Variants in HDAC1 observed in about 807,000 individuals in gnomAD.
HDAC1 encodes the protein protein deacetylase HDAC1.
In HDAC1, 18 loss-of-function variants were observed where a neutral mutation model predicts 65.5. That is an observed-to-expected ratio of 0.27 (90% CI 0.19 to 0.41). The LOEUF (loss-of-function observed/expected upper bound fraction) is 0.41, where lower values mean the gene tolerates loss of function less well. Among genes scored for constraint, HDAC1 ranks in the 10% least tolerant of loss-of-function variants. The pLI is 1.00. For missense variants in HDAC1, 373 were observed against 625.2 expected, an observed-to-expected ratio of 0.60 and a Z score of 4.30; for synonymous variants, 211 against 227.9, an observed-to-expected ratio of 0.93 and a Z score of 0.67.
chr1:32,332,813 A>C (rs959224890), intron 13 of HDAC1, 64 bp downstream of exon 13: 1 of 1,415,236 alleles, frequency 7.1e-7, no homozygotes, highest in African/African-American at 1.4e-5. Context: ...TTGTCCCACC[A>C]CTCTGAGGAA....
At chr1:32,305,436 A>G (rs1474883330) in intron 2 of HDAC1, among the ~76,000 whole-genome samples, 3 of 152,200 alleles carry the variant, frequency 2.0e-5, no homozygotes, top group Non-Finnish European at 2.9e-5. Context: ...ATTGCCAGCT[A>G]TGTAGGAGAA....
At chr1:32,322,227 ACCT>A (rs1641157665) in intron 3 of HDAC1, among the ~76,000 whole-genome samples, 1 of 149,078 alleles carries the variant, frequency 6.7e-6, no homozygotes, top group South Asian at 2.1e-4. Flanking sequence ...GCAGCCCCAC[ACCT>A]CCTGCCTCTG....
At chr1:32,332,568 A>G in intron 12 of HDAC1, 133 bp from the exon 13 acceptor site, 1 of 706,520 alleles carries the variant, frequency 1.4e-6, no homozygotes, top group East Asian at 2.7e-5. Context: ...CACTGGGAGG[A>G]CCAGGGATGG....
At chr1:32,332,359 T>C (rs1641305019) in intron 12 of HDAC1, 117 bp downstream of exon 12, 3 of 963,488 alleles carry the variant, frequency 3.1e-6, no homozygotes, top group Non-Finnish European at 1.6e-6. Context: ...TCTTCCTCAG[T>C]TCCTTGAGCC....
chr1:32,304,988 A>G (rs1640893666), intron 2 of HDAC1, among the ~76,000 whole-genome samples: 1 of 152,216 alleles, frequency 6.6e-6, no homozygotes, highest in African/African-American at 2.4e-5. Context: ...CTGAGATTAT[A>G]AGCATCAGCC....
chr1:32,299,239 A>G (rs1640813276), intron 1 of HDAC1, among the ~76,000 whole-genome samples: 1 of 152,098 alleles, frequency 6.6e-6, no homozygotes, highest in Non-Finnish European at 1.5e-5. Context: ...CAATGTGTAT[A>G]GGAATACACA....
intron 4 of HDAC1, among the ~76,000 whole-genome samples, chr1:32,325,811 A>C (rs1641209001): frequency 6.6e-6 from 1 of 152,188 alleles, no homozygotes; most frequent in Non-Finnish European, 1.5e-5. Flanking sequence ...GGATCACCTG[A>C]GGTCAGGAGT....
At chr1:32,309,641 C>T (rs370929637) in intron 2 of HDAC1, among the ~76,000 whole-genome samples, 2 of 141,228 alleles carry the variant, frequency 1.4e-5, no homozygotes, top group African/African-American at 2.7e-5. Flanking sequence ...GAGCTGAGGT[C>T]GTGCCACTGT....
chr1:32,332,008 A>T, intron 11 of HDAC1, 82 bp from the exon 12 acceptor site: 1 of 1,455,154 alleles, frequency 6.9e-7, no homozygotes, highest in Non-Finnish European at 9.1e-7. Context: ...CTTGGAGGAC[A>T]CGCAGGGAAG....
intron 13 of HDAC1, 129 bp downstream of exon 13, chr1:32,332,878 T>G: frequency 8.6e-7 from 1 of 1,165,042 alleles, no homozygotes; most frequent in African/African-American, 1.5e-5. Context: ...GACCAGTCTG[T>G]CCAGCTCTGC....
chr1:32,328,231 T>G (rs999871153), intron 6 of HDAC1, among the ~76,000 whole-genome samples: 8 of 152,236 alleles, frequency 5.3e-5, no homozygotes, highest in Non-Finnish European at 1.0e-4. Flanking sequence ...ATCAGCTGCT[T>G]TGCCATGCCT....
intron 4 of HDAC1, 60 bp downstream of exon 4, chr1:32,324,613 T>G: frequency 9.2e-7 from 1 of 1,089,892 alleles, no homozygotes; most frequent in Non-Finnish European, 1.4e-6. Context: ...AGGTCTGCCT[T>G]TTAGGCTGCT....
At position 32,327,172 on chromosome 1, in the gene HDAC1, T is replaced by C; in HGVS notation, c.494+95T>C. Reference sequence around the variant, plus strand: ...GCTTGCCTCCCTAGTTTGCTTTTCCTACCGATGTGCTGGCTAGGATGTGCT... The same window carrying C: ...GCTTGCCTCCCTAGTTTGCTTTTCCCACCGATGTGCTGGCTAGGATGTGCT... On this transcript the variant is annotated intron_variant, in intron 5 of 13. Transcript: ENST00000373548. This position sits in a 1 kb window ranked among gnomAD's most constrained non-coding sequence, Gnocchi z 6.0. The C allele has an allele frequency of 7.8e-7, 1 of 1,285,940 alleles. No individual in the cohort carries two copies. Among genetic ancestry groups the C allele is most frequent in the Non-Finnish European group, 1.1e-6 (1 of 904,398 alleles). The allele number at this position is 1,285,940 out of a possible 1,614,324, so 79.7% of individuals were successfully genotyped here. A position where few individuals can be genotyped will look rare whatever the true frequency, so the allele number is the denominator to read the frequency against.
In HDAC1 at chr1:32,331,006, T is replaced by A; in HGVS notation, c.979+98T>A. The A allele has an allele frequency of 9.3e-7, 1 of 1,071,362 alleles. No homozygotes were observed. Among genetic ancestry groups the A allele is most frequent in the Admixed American group, 2.0e-5 (1 of 50,462 alleles). 66.4% of individuals were successfully genotyped at this position (1,071,362 alleles called of 1,614,324 possible). On this transcript the variant is annotated intron_variant, in intron 9 of 13. Transcript: ENST00000373548. This position sits in a 1 kb window ranked among gnomAD's most constrained non-coding sequence, Gnocchi z 4.2. ...CCTTCCCCGTTGGTCATATGACCGC[T>A]CCTCTTCTGATACTAGTCACTGAGT... is the stretch of plus-strand genomic sequence containing the variant.
At chr1:32,322,753 A>T (rs1302507730) in intron 3 of HDAC1, among the ~76,000 whole-genome samples, 1 of 152,064 alleles carries the variant, frequency 6.6e-6, no homozygotes, top group Non-Finnish European at 1.5e-5. Flanking sequence ...ACTTTACTCC[A>T]CTTGTCACTG....
In HDAC1 at chr1:32,292,118, C is replaced by T; in HGVS notation, c.-52C>T. The T allele has an allele frequency of 3.3e-6, 5 of 1,533,236 alleles. No homozygotes were observed. Among genetic ancestry groups the T allele is most frequent in the Non-Finnish European group, 3.5e-6 (4 of 1,134,174 alleles). 95.0% of individuals were successfully genotyped at this position (1,533,236 alleles called of 1,614,324 possible). A position where few individuals can be genotyped will look rare whatever the true frequency, so the allele number is the denominator to read the frequency against. ...CTGGGTCGGACGCTGAGCGGAGCCG[C>T]GGGCGGGAGGGCGGACGGACCGACT... On this transcript the variant is annotated 5_prime_UTR_variant, in exon 1 of 14. Transcript: ENST00000373548.
In HDAC1 at chr1:32,327,288, G is replaced by A. The variant is rs1641232124; in HGVS notation, c.494+211G>A. The A allele has an allele frequency of 1.6e-6, 1 of 618,972 alleles. No homozygotes were observed. 38.3% of individuals were successfully genotyped at this position (618,972 alleles called of 1,614,324 possible). The stretch of plus-strand genomic sequence containing the variant: ...CAGGGGCAGATGCTGCTCAGATCCT[G>A]CCTCCAGAGTGTCCCTGTGTGGCTG... On this transcript the variant is annotated intron_variant, in intron 5 of 13. Coordinates refer to ENST00000373548, the MANE Select transcript of HDAC1 (RefSeq NM_004964.3). This position sits in a 1 kb window ranked among gnomAD's most constrained non-coding sequence, Gnocchi z 6.0.
At chr1:32,321,230 C>CAA (rs112104314) in intron 3 of HDAC1, among the ~76,000 whole-genome samples, 1 of 136,416 alleles carries the variant, frequency 7.3e-6, no homozygotes, top group East Asian at 2.1e-4. Flanking sequence ...GACTCTGTCT[C>CAA]AAAAAAAAAA....
At chr1:32,298,143 A>G (rs1640795281) in intron 1 of HDAC1, among the ~76,000 whole-genome samples, 1 of 133,820 alleles carries the variant, frequency 7.5e-6, no homozygotes, top group South Asian at 2.4e-4. Context: ...GCTGGAGCGC[A>G]GTGGCGCAAT....
Sources: allele counts gnomAD v4.1 joint callset (sites outside exome capture counted in the v4.1 genomes callset), GRCh38; gene constraint gnomAD v4.1.1; non-coding constraint Gnocchi (gnomAD v3.1); transcripts MANE v1.5; gene names NCBI Gene and HGNC (gene_info 2026-07-23, HGNC 2026-07-21).